The following ADPRHL1 variants were observed in gnomAD, a reference collection of about 807,000 sequenced individuals.
ADPRHL1 encodes the protein inactive ADP-ribosyltransferase ARH2.
In ADPRHL1, 43 loss-of-function variants were observed where a neutral mutation model predicts 44.1. The ratio of observed to expected loss-of-function variants is 0.98; its 90% confidence interval spans 0.76 to 1.26. The LOEUF (loss-of-function observed/expected upper bound fraction) is 1.26, where lower values mean the gene tolerates loss of function less well. Ranked by LOEUF, ADPRHL1 falls within the 50% of genes most tolerant of loss-of-function variation. ADPRHL1 has a pLI of 0.00. For synonymous variants in ADPRHL1, 878 were observed against 1,017.4 expected (o/e 0.86, Z 2.61); for missense variants, 2,022 against 2,496.9 (o/e 0.81, Z 4.05).
chr13:113,429,754 C>T (rs540188030), intron 3 of ADPRHL1, among the ~76,000 whole-genome samples: 4 of 152,306 alleles, frequency 2.6e-5, no homozygotes, highest in South Asian at 4.1e-4. Flanking sequence ...GTTTCCTGTG[C>T]GGGGCCGACT....
At chr13:113,426,345 CCA>C (rs1285895901) in intron 4 of ADPRHL1, among the ~76,000 whole-genome samples, 4 of 152,374 alleles carry the variant, frequency 2.6e-5, no homozygotes, top group Middle Eastern at 3.4e-3. Flanking sequence ...ACCGCGGGAG[CCA>C]CAGAGGGTGG....
intron 7 of ADPRHL1, among the ~76,000 whole-genome samples, chr13:113,412,413 C>T (rs184729061): frequency 1.3e-5 from 2 of 152,322 alleles, no homozygotes; most frequent in East Asian, 1.9e-4. Context: ...CTCCTGACCT[C>T]GTGATCCGCC....
chr13:113,403,507 G>C lies in ADPRHL1; in HGVS notation c.5775C>G (p.Pro1925=). 1 of 1,231,754 alleles carries C rather than the reference G, an allele frequency of 8.1e-7. No homozygotes were observed. The highest frequency in any genetic ancestry group is 1.0e-6 in the Non-Finnish European group (1 of 987,950). 76.3% of individuals were successfully genotyped at this position (1,231,754 alleles called of 1,614,324 possible). A position where few individuals can be genotyped will look rare whatever the true frequency, so the allele number is the denominator to read the frequency against. ...GGTGCCTGGACCTCCCGCGACGCTC[G>C]GGCTCCGATGCCTCCATCCTGTCCT... ...ALQDRMEASE[P]ERRGRSRHLA... Residue 1925 remains proline, a synonymous_variant, in exon 8 of 8, where the codon CCC becomes CCG. Coordinates refer to ENST00000612156, the MANE Select transcript of ADPRHL1 (RefSeq NM_001394807.1).
chr13:113,412,874 A>G (rs1280836080), intron 7 of ADPRHL1, among the ~76,000 whole-genome samples: 2 of 57,074 alleles, frequency 3.5e-5, no homozygotes, highest in Admixed American at 1.4e-4. Flanking sequence ...CCCACCGCCA[A>G]CAGCGCCCCG....
intron 7 of ADPRHL1, among the ~76,000 whole-genome samples, chr13:113,410,403 C>T (rs1008215287): frequency 2.0e-5 from 3 of 152,068 alleles, no homozygotes; most frequent in Admixed American, 6.6e-5. Flanking sequence ...ATTCCGAGGC[C>T]GCTGGTCCGG....
At chr13:113,449,909 C>T (rs1174966410) in intron 1 of ADPRHL1, among the ~76,000 whole-genome samples, 3 of 152,170 alleles carry the variant, frequency 2.0e-5, no homozygotes, top group African/African-American at 2.4e-5. Flanking sequence ...CTCTGCCACT[C>T]GCTGGGCTGT....
At position 113,404,940 on chromosome 13, in the gene ADPRHL1, C is replaced by G; in HGVS notation, c.4342G>C (p.Gly1448Arg). ...RSDQGQQHLQ[G>R]PWEERGRSTA... ...CTCCGCCCCCGCTCCTCCCAGGGTCCCTGCAGATGCTGCTGACCTTGGTCA... is the reference window on the plus strand; with the variant it reads ...CTCCGCCCCCGCTCCTCCCAGGGTCGCTGCAGATGCTGCTGACCTTGGTCA... The change falls in exon 8 of 8, where the codon GGA becomes CGA. Residue 1448 changes from glycine to arginine, a missense_variant. This residue lies in a region of ADPRHL1 where 1,221 missense variants were observed against 1,517.8 expected (regional missense o/e 0.80). Coordinates refer to ENST00000612156, the MANE Select transcript of ADPRHL1 (RefSeq NM_001394807.1). 1 of 1,240,208 alleles carries G rather than the reference C, an allele frequency of 8.1e-7. No individual in the cohort carries two copies. Among genetic ancestry groups the G allele is most frequent in the Non-Finnish European group, 1.0e-6 (1 of 993,530 alleles). The allele number at this position is 1,240,208 out of a possible 1,614,324, so 76.8% of individuals were successfully genotyped here.
chr13:113,405,691 GGCCAC>G lies in ADPRHL1; in HGVS notation c.3586_3590del (p.Val1196ProfsTer70). On this transcript the variant is annotated frameshift_variant, in exon 8 of 8. Transcript: ENST00000612156. LOFTEE classifies it low-confidence loss of function (END_TRUNC). ...CAATGTCCTCTGGGTGCTGGACGAG[GGCCAC>G]GCCTCTCAGGAGGCTCCTCCCTGCT... is the stretch of plus-strand genomic sequence containing the variant. The G allele has an allele frequency of 8.1e-7, 1 of 1,232,026 alleles. No individual in the cohort carries two copies. The highest frequency in any genetic ancestry group is 1.0e-6 in the Non-Finnish European group (1 of 988,200). 76.3% of individuals were successfully genotyped at this position (1,232,026 alleles called of 1,614,324 possible). A position where few individuals can be genotyped will look rare whatever the true frequency, so the allele number is the denominator to read the frequency against.
At chr13:113,434,043 G>T (rs112424347) in intron 2 of ADPRHL1, among the ~76,000 whole-genome samples, 176 bp from the exon 3 acceptor site, 11 of 152,334 alleles carry the variant, frequency 7.2e-5, no homozygotes, top group African/African-American at 2.4e-4. Flanking sequence ...GCAGAAAGGA[G>T]ATGGGGCAAA....
At position 113,405,252 on chromosome 13, in the gene ADPRHL1, G is replaced by C; in HGVS notation, c.4030C>G (p.Pro1344Ala). Residue 1344 changes from proline (P) to alanine (A), a missense_variant, in exon 8 of 8, where the codon CCT becomes GCT. Coordinates refer to ENST00000612156, the MANE Select transcript of ADPRHL1 (RefSeq NM_001394807.1). ...TTTGCCTGTGTGTCACCAGCAGTAG[G>C]GGGCAGGTGTGCCTGTAGATGGGGA... ...GPPHLQAHLP[P>A]TAGDTQAKLR... 8.1e-7 allele frequency: 1 copy of C among 1,231,882 alleles called. No homozygotes were observed. Among genetic ancestry groups the C allele is most frequent in the Non-Finnish European group, 1.0e-6 (1 of 988,078 alleles). 76.3% of individuals were successfully genotyped at this position (1,231,882 alleles called of 1,614,324 possible).
intron 7 of ADPRHL1, 140 bp from the exon 8 acceptor site, chr13:113,408,360 G>GCCAC: frequency 2.3e-6 from 2 of 886,416 alleles, no homozygotes; most frequent in Non-Finnish European, 3.0e-6. Flanking sequence ...TAGGAGCCAG[G>GCCAC]AGCTGTGGCT....
Position 113,403,246 on chromosome 13 carries a change from G to A in ADPRHL1, c.*132C>T. Reference sequence around the variant, plus strand: ...TCCCAAGGTCAGCTTGTGAAGAAGGGAAAGAAAATTATGGAAACAGGCGTC... The same window carrying A: ...TCCCAAGGTCAGCTTGTGAAGAAGGAAAAGAAAATTATGGAAACAGGCGTC... On this transcript the variant is annotated 3_prime_UTR_variant, in exon 8 of 8. Coordinates refer to ENST00000612156, the MANE Select transcript of ADPRHL1 (RefSeq NM_001394807.1). 1 of 823,172 alleles carries A rather than the reference G, an allele frequency of 1.2e-6. No individual in the cohort carries two copies. Among genetic ancestry groups the A allele is most frequent in the Non-Finnish European group, 1.6e-6 (1 of 615,266 alleles). The allele number at this position is 823,172 out of a possible 1,614,324, so 51.0% of individuals were successfully genotyped here. A position where few individuals can be genotyped will look rare whatever the true frequency, so the allele number is the denominator to read the frequency against.
chr13:113,407,108 G>A lies in ADPRHL1; in HGVS notation c.2174C>T (p.Ser725Phe). The change falls in exon 8 of 8, where the codon TCC becomes TTC. Residue 725 changes from serine (S) to phenylalanine (F), a missense_variant. Around this residue, in one of 8 missense-constraint regions of ADPRHL1, gnomAD observed 1,221 missense variants for 1,517.8 expected, o/e 0.80. Coordinates refer to ENST00000612156, the MANE Select transcript of ADPRHL1 (RefSeq NM_001394807.1). ...CCAAGGGCTGGCCGGTCCCAGTGGG[G>A]ATGATGCAGGCACAAGGCCAGGAAG... ...GVLPGLVPAS[S>F]PLGPASPWGT... is the part of the protein sequence containing the mutation. 1 of 1,232,302 alleles carries A rather than the reference G, an allele frequency of 8.1e-7. No homozygotes were observed. 76.3% of individuals were successfully genotyped at this position (1,232,302 alleles called of 1,614,324 possible).
intron 2 of ADPRHL1, among the ~76,000 whole-genome samples, chr13:113,438,688 A>C (rs1021151593): frequency 1.8e-4 from 28 of 152,180 alleles, no homozygotes; most frequent in Non-Finnish European, 1.0e-4. Flanking sequence ...TCTCAAAAAA[A>C]AAATTTCTTT....
At chr13:113,448,465 C>CAAAAA (rs61278696) in intron 1 of ADPRHL1, among the ~76,000 whole-genome samples, 6,870 of 39,768 alleles carry the variant, frequency 0.17, 905 homozygotes, top group Non-Finnish European at 0.2. Context: ...GACTATGTCC[C>CAAAAA]AAAAAAAAAA....
At position 113,415,750 on chromosome 13, in the gene ADPRHL1, C is replaced by CAAAAA. The variant is rs71214119; in HGVS notation, c.1061+7071_1061+7075dup. On this transcript the variant is annotated intron_variant, in intron 7 of 7. Coordinates refer to ENST00000612156, the MANE Select transcript of ADPRHL1 (RefSeq NM_001394807.1). ...TGGGTGACAGAGTGAGACTCCATCT[C>CAAAAA]AAAAAAAAAAAAAAAAAAAAAGAGA... 4.3e-3 allele frequency among the ~76,000 whole-genome samples: 271 copies of CAAAAA among 62,992 alleles called. 7 individuals carry two copies. The highest frequency in any genetic ancestry group is 0.013 in the African/African-American group (220 of 16,650). The allele number at this position is 62,992 out of a possible 152,430, so 41.3% of individuals were successfully genotyped here.
chr13:113,431,372 T>C (rs964004494), intron 3 of ADPRHL1, among the ~76,000 whole-genome samples: 1 of 152,244 alleles, frequency 6.6e-6, no homozygotes, highest in Non-Finnish European at 1.5e-5. Flanking sequence ...CCAGCGGCTG[T>C]TGGGCCACTC....
chr13:113,426,561 G>T (rs3892381), intron 4 of ADPRHL1, among the ~76,000 whole-genome samples: 43,914 of 152,240 alleles, frequency 0.29, 6,571 homozygotes, highest in Middle Eastern at 0.46. Flanking sequence ...CCCTGGACCA[G>T]GACCTGGACG....
chr13:113,447,192 G>T (rs552893494), intron 1 of ADPRHL1, among the ~76,000 whole-genome samples: 11 of 129,412 alleles, frequency 8.5e-5, no homozygotes, highest in South Asian at 2.7e-4. Context: ...GCGTCTACAC[G>T]CACGGTGTTG....
Sources: gnomAD v4.1 joint callset for allele counts (sites outside exome capture counted in the v4.1 genomes callset) on GRCh38, gnomAD v4.1.1 for gene constraint, gnomAD v4.1.1 regional missense constraint, MANE v1.5 for transcripts, NCBI Gene and HGNC (gene_info 2026-07-23, HGNC 2026-07-21) for gene names.